Variants in VPS8 observed in about 807,000 individuals in gnomAD.
VPS8 encodes the protein VPS8 subunit of CORVET complex, also known as vacuolar protein sorting-associated protein 8 homolog.
VPS8 carries 129 observed loss-of-function variants against 216.4 expected under a neutral mutation model. The observed-to-expected ratio is 0.60, with a 90% CI of 0.52 to 0.69. The LOEUF (loss-of-function observed/expected upper bound fraction) is 0.69, where lower values mean the gene tolerates loss of function less well. Among genes scored for constraint, VPS8 ranks in the 30% least tolerant of loss-of-function variants. The pLI, the probability that VPS8 is intolerant of heterozygous loss-of-function variation, is 0.00. For missense variants in VPS8, 1,531 were observed against 1,683.5 expected (o/e 0.91, Z 1.59); for synonymous variants, 571 against 565.4 (o/e 1.01, Z -0.14).
chr3:184,880,704 A>G (rs1203273556), intron 21 of VPS8, among the ~76,000 whole-genome samples: 1 of 152,212 alleles, frequency 6.6e-6, no homozygotes, highest in African/African-American at 2.4e-5. Flanking sequence ...GTTGGATCAT[A>G]TGATAGTTGA....
intron 37 of VPS8, among the ~76,000 whole-genome samples, chr3:184,962,724 A>AGTGTGTGTGTGTGTGT (rs10562348): frequency 6.9e-6 from 1 of 145,798 alleles, no homozygotes; most frequent in African/African-American, 2.6e-5. Context: ...TTAAGGCTTA[A>AGTGTGTGTGTGTGTGT]GTGTGTGTGT....
At chr3:184,875,056 C>CTTTTTTTTTTTTTT (rs5855044) in intron 21 of VPS8, among the ~76,000 whole-genome samples, 1 of 100,290 alleles carries the variant, frequency 1.0e-5, no homozygotes, top group African/African-American at 4.1e-5. Context: ...GTTTTTAAAA[C>CTTTTTTTTTTTTTT]TTTTTTTTTT....
intron 46 of VPS8, among the ~76,000 whole-genome samples, chr3:185,047,217 C>T (rs1424636615): frequency 2.0e-5 from 3 of 152,212 alleles, no homozygotes; most frequent in Non-Finnish European, 2.9e-5. Context: ...GCAGTACCTG[C>T]GGGCCTTCCT....
At chr3:184,998,524 T>C (rs867931581) in intron 44 of VPS8, among the ~76,000 whole-genome samples, 1,184 of 10,968 alleles carry the variant, frequency 0.11, 77 homozygotes, top group African/African-American at 0.18. Flanking sequence ...TATATATATA[T>C]ATATATATAT....
At chr3:184,899,888 G>T (rs1239450466) in intron 24 of VPS8, among the ~76,000 whole-genome samples, 1 of 152,126 alleles carries the variant, frequency 6.6e-6, no homozygotes, top group Non-Finnish European at 1.5e-5. Context: ...ATAAAATCTG[G>T]TTTGCATTTA....
intron 15 of VPS8, among the ~76,000 whole-genome samples, chr3:184,861,211 TATA>T (rs1284345182): frequency 6.6e-6 from 1 of 152,180 alleles, no homozygotes; most frequent in Non-Finnish European, 1.5e-5. Context: ...ACAATGTAAT[TATA>T]ATATTTCTGG....
intron 22 of VPS8, among the ~76,000 whole-genome samples, chr3:184,887,693 A>G (rs560143395): frequency 1.4e-4 from 20 of 143,314 alleles, no homozygotes; most frequent in African/African-American, 6.0e-4. Context: ...ATAGAGAACA[A>G]ATGTGAAGAT....
intron 21 of VPS8, among the ~76,000 whole-genome samples, chr3:184,879,771 C>G (rs571553267): frequency 1.3e-5 from 2 of 152,242 alleles, no homozygotes; most frequent in South Asian, 4.1e-4. Context: ...GTAGCCCTTG[C>G]CAGTTGGGAG....
At chr3:184,894,320 T>A (rs1312571317) in intron 22 of VPS8, among the ~76,000 whole-genome samples, 4 of 152,080 alleles carry the variant, frequency 2.6e-5, no homozygotes, top group African/African-American at 9.7e-5. Flanking sequence ...GTCAGTGTTG[T>A]CTTTAAGAAG....
chr3:185,026,652 A>T lies in VPS8; in HGVS notation c.4056+2263A>T, dbSNP rs532543876. The stretch of plus-strand genomic sequence containing the variant: ...TCTCGAACTCCTGACCTCATGATCC[A>T]TCCGCCTTGGCCTCCCAAAGTGCTG... On this transcript the variant is annotated intron_variant, in intron 46 of 47. Coordinates refer to ENST00000625842, the MANE Select transcript of VPS8 (RefSeq NM_001009921.3). Among the ~76,000 whole-genome samples, 7 of 146,230 alleles carry T rather than the reference A, an allele frequency of 4.8e-5. No individual in the cohort carries two copies. The South Asian group carries it at 1.5e-3, about 31-fold the overall frequency.
At chr3:184,861,801 A>G (rs1286509615) in intron 15 of VPS8, among the ~76,000 whole-genome samples, 1 of 152,140 alleles carries the variant, frequency 6.6e-6, no homozygotes, top group Admixed American at 6.5e-5. Flanking sequence ...TCTTGTTTTC[A>G]CCAGGTGACC....
intron 2 of VPS8, among the ~76,000 whole-genome samples, chr3:184,825,671 A>G (rs1718605448): frequency 6.6e-6 from 1 of 152,132 alleles, no homozygotes; most frequent in Non-Finnish European, 1.5e-5. Context: ...TGAGGCCGAG[A>G]TGGGTGGATC....
chr3:184,947,116 C>G (rs977108033), intron 36 of VPS8, among the ~76,000 whole-genome samples: 2 of 152,164 alleles, frequency 1.3e-5, no homozygotes, highest in Non-Finnish European at 2.9e-5. Flanking sequence ...AAAATCTGTT[C>G]CCAGATTCCG....
chr3:184,883,991 A>C (rs1382437881), intron 21 of VPS8, among the ~76,000 whole-genome samples: 1 of 152,144 alleles, frequency 6.6e-6, no homozygotes, highest in Non-Finnish European at 1.5e-5. Flanking sequence ...CTTTATCAGT[A>C]GCTATTTTGC....
At chr3:184,823,171 T>A (rs148269307) in intron 1 of VPS8, among the ~76,000 whole-genome samples, 3 of 152,332 alleles carry the variant, frequency 2.0e-5, no homozygotes, top group Non-Finnish European at 4.4e-5. Flanking sequence ...CAGTGAATTT[T>A]TAGCATATTG....
chr3:184,902,602 T>C (rs1265627798), intron 25 of VPS8, among the ~76,000 whole-genome samples: 3 of 149,394 alleles, frequency 2.0e-5, no homozygotes, highest in East Asian at 2.0e-4. Flanking sequence ...GAGGCTGAGG[T>C]GGGCGGATCA....
intron 46 of VPS8, among the ~76,000 whole-genome samples, chr3:185,046,823 A>G (rs1447357056): frequency 1.3e-5 from 2 of 152,188 alleles, no homozygotes; most frequent in South Asian, 2.1e-4. Context: ...ATTGAGCCCA[A>G]GTGTGTCAGA....
At position 184,996,336 on chromosome 3, in the gene VPS8, T is replaced by G. The variant is rs1561036672; in HGVS notation, c.3671T>G (p.Leu1224Arg). 4 of 1,611,382 alleles carry G rather than the reference T, an allele frequency of 2.5e-6. No homozygotes were observed. Among genetic ancestry groups the G allele is most frequent in the Non-Finnish European group, 3.4e-6 (4 of 1,178,846 alleles). ...MLDTFNYEQT[L>R]LETTTSLLNQ... Reference sequence around the variant, plus strand: ...TTTTGTTTTGGTGTTTCATAGACCCTGCTGGAAACAACAACCAGCCTTCTA... The same window carrying G: ...TTTTGTTTTGGTGTTTCATAGACCCGGCTGGAAACAACAACCAGCCTTCTA... Residue 1224 changes from leucine (L) to arginine (R), a missense_variant, in exon 44 of 48, where the codon CTG (leucine) becomes CGG (arginine). Physicochemically the swap from Leu to Arg is moderately radical, Grantham distance 102. This residue lies in a region of VPS8 where 1,318 missense variants were observed against 1,468.4 expected (regional missense o/e 0.90). Coordinates refer to ENST00000625842, the MANE Select transcript of VPS8 (RefSeq NM_001009921.3).
At chr3:184,898,888 A>C (rs1733989243) in intron 24 of VPS8, among the ~76,000 whole-genome samples, 1 of 152,206 alleles carries the variant, frequency 6.6e-6, no homozygotes, top group Admixed American at 6.5e-5. Context: ...ACCAGGGAAC[A>C]ATAGATAAAA....
Sources: gnomAD v4.1 joint callset for allele counts (sites outside exome capture counted in the v4.1 genomes callset) on GRCh38, gnomAD v4.1.1 for gene constraint, gnomAD v4.1.1 regional missense constraint, MANE v1.5 for transcripts, NCBI Gene and HGNC (gene_info 2026-07-23, HGNC 2026-07-21) for gene names.